The following ARHGEF4 variants were observed in gnomAD, a reference collection of about 807,000 sequenced individuals.
The protein encoded by ARHGEF4 is APC-stimulated guanine nucleotide exchange factor 1.
In ARHGEF4, 119 loss-of-function variants were observed where a neutral mutation model predicts 162.0. The observed-to-expected ratio is 0.73, with a 90% CI of 0.63 to 0.86. ARHGEF4 has a LOEUF of 0.86. Among genes scored for constraint, ARHGEF4 ranks in the 40% least tolerant of loss-of-function variants. ARHGEF4 has a pLI of 0.00. For missense variants in ARHGEF4, 2,488 were observed against 2,456.0 expected (o/e 1.01, Z -0.28); for synonymous variants, 1,014 against 979.9 (o/e 1.03, Z -0.65).
intron 4 of ARHGEF4, among the ~76,000 whole-genome samples, chr2:130,949,344 CTTTAT>C (rs1240441466): frequency 1.4e-4 from 21 of 152,050 alleles, no homozygotes; most frequent in African/African-American, 4.8e-4. Flanking sequence ...TTTTTATTTA[CTTTAT>C]TTTATTTATT....
At position 130,914,656 on chromosome 2, in the gene ARHGEF4, T is replaced by C. The variant is rs1681379675; in HGVS notation, c.710T>C (p.Leu237Pro). ...VWPFLLWCCE[L>P]GRSWPHIHNR... The stretch of plus-strand genomic sequence containing the variant: ...CCCTTCCTTCTCTGGTGCTGTGAAC[T>C]GGGTCGGAGTTGGCCACATATCCAC... The change falls in exon 2 of 14, where the codon CTG (leucine) becomes CCG (proline). Residue 237 changes from leucine (L) to proline (P), a missense_variant. Physicochemically the swap from Leu to Pro is moderately conservative, Grantham distance 98 (BLOSUM62 -3). Around this residue, in one of 6 missense-constraint regions of ARHGEF4, gnomAD observed 1,642 missense variants for 1,481.5 expected, o/e 1.11. Transcript: ENST00000409359. The C allele has an allele frequency of 2.9e-6, 4 of 1,387,778 alleles. No individual in the cohort carries two copies. In the African/African-American group the frequency reaches 4.3e-5, roughly 15 times the overall value. 86.0% of individuals were successfully genotyped at this position (1,387,778 alleles called of 1,614,324 possible).
In ARHGEF4 at chr2:131,010,877, C is replaced by T. The variant is rs150512054; in HGVS notation, c.3986-17068C>T. Among the ~76,000 whole-genome samples the T allele has an allele frequency of 6.1e-3, 931 of 152,322 alleles. 43 individuals carry two copies. Among genetic ancestry groups the T allele is most frequent in the Admixed American group, 0.055 (836 of 15,306 alleles). ...GTTCTACATCTTAGCGTTGCAGAGG[C>T]ATTTCCACTTTAGAAATCAAACTCG... On this transcript the variant is annotated intron_variant, in intron 4 of 13. Coordinates refer to ENST00000409359, the MANE Select transcript of ARHGEF4 (RefSeq NM_001367493.1).
At chr2:130,855,435 T>C (rs1681712356) in intron 1 of ARHGEF4, among the ~76,000 whole-genome samples, 2 of 152,064 alleles carry the variant, frequency 1.3e-5, no homozygotes, top group South Asian at 2.1e-4. Context: ...AGGGAAGAGG[T>C]ACAGAAGGTG....
At chr2:130,881,532 A>C (rs2104960669) in intron 1 of ARHGEF4, among the ~76,000 whole-genome samples, 1 of 151,048 alleles carries the variant, frequency 6.6e-6, no homozygotes, top group South Asian at 2.1e-4. Context: ...AATATATGAC[A>C]TTCAAGGGCC....
chr2:131,045,634 G>A (rs770703678), intron 13 of ARHGEF4, 188 bp downstream of exon 13: 3 of 1,534,050 alleles, frequency 2.0e-6, no homozygotes, highest in Non-Finnish European at 2.6e-6. Flanking sequence ...TCAGTATATG[G>A]TTGACATTCT....
At chr2:130,912,884 G>A (rs542539312) in intron 1 of ARHGEF4, among the ~76,000 whole-genome samples, 13 of 152,302 alleles carry the variant, frequency 8.5e-5, no homozygotes, top group East Asian at 1.9e-4. Flanking sequence ...GGTGAGTACA[G>A]TGCAATAAGA....
At chr2:131,011,875 C>T (rs35437121) in intron 4 of ARHGEF4, 24,833 of 704,644 alleles carry the variant, frequency 0.035, 556 homozygotes, top group Non-Finnish European at 0.049. Flanking sequence ...AGTGTGGGGG[C>T]GGCGGAGGGG....
Position 130,915,314 on chromosome 2 carries a change from G to T in ARHGEF4, c.1368G>T (p.Glu456Asp). 1.3e-6 allele frequency: 2 copies of T among 1,550,696 alleles called. No homozygotes were observed. The highest frequency in any genetic ancestry group is 1.2e-5 in the South Asian group (1 of 84,058). The change falls in exon 2 of 14, where the codon GAG becomes GAT. Residue 456 changes from glutamate (E) to aspartate (D), a missense_variant. Glu to Asp is a conservative substitution (Grantham distance 45, BLOSUM62 2). Coordinates refer to ENST00000409359, the MANE Select transcript of ARHGEF4 (RefSeq NM_001367493.1). The stretch of plus-strand genomic sequence containing the variant: ...AGCTCAGTGCAGAGGAAGTGCCTGA[G>T]CCCGCTGAGTGCAAGTCAGAGCAAA... ...LVKLSAEEVP[E>D]PAECKSEQSP...
chr2:131,033,277 A>G (rs1453071114), intron 5 of ARHGEF4, among the ~76,000 whole-genome samples: 2 of 152,178 alleles, frequency 1.3e-5, no homozygotes, highest in African/African-American at 4.8e-5. Flanking sequence ...CTAGGCAGGG[A>G]GAAGGACCCT....
rs760641057 is a variant in ARHGEF4 at position 131,039,022 on chromosome 2, G to A, written c.4295G>A (p.Ser1432Asn). 1.2e-6 allele frequency: 2 copies of A among 1,611,898 alleles called. No homozygotes were observed. Among genetic ancestry groups the A allele is most frequent in the African/African-American group, 1.3e-5 (1 of 74,938 alleles). ...VADGEGWFPA[S>N]FVRLRVNQDE... Reference sequence around the variant, plus strand: ...GATGGCGAGGGCTGGTTTCCAGCCAGCTTCGTTCGGGTATGGTTCCAAGCC... The same window carrying A: ...GATGGCGAGGGCTGGTTTCCAGCCAACTTCGTTCGGGTATGGTTCCAAGCC... The change falls in exon 6 of 14, where the codon AGC becomes AAC. Residue 1432 changes from serine to asparagine, a missense_variant. This residue lies in a region of ARHGEF4 where 174 missense variants were observed against 148.3 expected (regional missense o/e 1.17). Coordinates refer to ENST00000409359, the MANE Select transcript of ARHGEF4 (RefSeq NM_001367493.1).
At chr2:130,926,810 ATTTTTT>A (rs55904944) in intron 2 of ARHGEF4, among the ~76,000 whole-genome samples, 4 of 48,948 alleles carry the variant, frequency 8.2e-5, no homozygotes, top group Non-Finnish European at 1.1e-4. Context: ...CTTCTGGCTG[ATTTTTT>A]TTTTTTTTTT....
At position 130,836,919 on chromosome 2, in the gene ARHGEF4, G is replaced by A. The variant is rs1386435932; in HGVS notation, c.-35G>A. 6 of 1,222,314 alleles carry A rather than the reference G, an allele frequency of 4.9e-6. No homozygotes were observed. The highest frequency in any genetic ancestry group is 6.1e-6 in the Non-Finnish European group (6 of 981,760). 75.7% of individuals were successfully genotyped at this position (1,222,314 alleles called of 1,614,324 possible). On this transcript the variant is annotated 5_prime_UTR_variant, in exon 1 of 14. Transcript: ENST00000409359. ...CCGGCTCGGCGGCGCGGCTCGTAGT[G>A]CTGCGGCCGGGCTCCGGGCGTCCCG...
intron 4 of ARHGEF4, among the ~76,000 whole-genome samples, chr2:131,021,259 A>C (rs1424212604): frequency 1.3e-5 from 2 of 152,156 alleles, no homozygotes; most frequent in Non-Finnish European, 2.9e-5. Context: ...CCAAAACAGC[A>C]TGGTATTGGT....
rs1409666607 is a variant in ARHGEF4, at chr2:130,898,673, G to GA, written c.40-15312dup. On this transcript the variant is annotated intron_variant, in intron 1 of 13. Transcript: ENST00000409359. The stretch of plus-strand genomic sequence containing the variant: ...CATTCAGGGTCCTCTGAGCAGCCAG[G>GA]ATGCACCTGTGAGGAGAAGGCAGTG... Among the ~76,000 whole-genome samples the GA allele has an allele frequency of 4.6e-5, 7 of 152,300 alleles. No homozygotes were observed. The South Asian group carries it at 1.2e-3, about 27-fold the overall frequency.
At chr2:130,964,081 C>T in intron 4 of ARHGEF4, 1 of 781,056 alleles carries the variant, frequency 1.3e-6, no homozygotes, top group Non-Finnish European at 1.6e-6. Context: ...GTCAAGCGGG[C>T]AGACGAGTGG....
intron 4 of ARHGEF4, among the ~76,000 whole-genome samples, chr2:130,951,620 T>C (rs945683688): frequency 3.9e-5 from 6 of 152,190 alleles, no homozygotes; most frequent in Non-Finnish European, 7.3e-5. Context: ...TTCTTTACTG[T>C]TTTCTTTTTC....
chr2:130,908,688 A>C (rs1271985514), intron 1 of ARHGEF4, among the ~76,000 whole-genome samples: 1 of 151,992 alleles, frequency 6.6e-6, no homozygotes, highest in Non-Finnish European at 1.5e-5. Context: ...AAATAGTAAT[A>C]ATAAAATTTA....
rs1177252337 is a variant in ARHGEF4, at chr2:131,046,382, G to A, written c.*193G>A. 3 of 630,890 alleles carry A rather than the reference G, an allele frequency of 4.8e-6. No homozygotes were observed. Among genetic ancestry groups the A allele is most frequent in the Non-Finnish European group, 8.1e-6 (3 of 370,576 alleles). 39.1% of individuals were successfully genotyped at this position (630,890 alleles called of 1,614,324 possible). Reference sequence around the variant, plus strand: ...TTTTCCCTGCTCCTGGTGCCCTGAAGAGACCAGCAAGGGGGCAGACCCCGC... The same window carrying A: ...TTTTCCCTGCTCCTGGTGCCCTGAAAAGACCAGCAAGGGGGCAGACCCCGC... On this transcript the variant is annotated 3_prime_UTR_variant, in exon 14 of 14. Coordinates refer to ENST00000409359, the MANE Select transcript of ARHGEF4 (RefSeq NM_001367493.1).
At chr2:131,030,678 G>A (rs993072687) in intron 5 of ARHGEF4, among the ~76,000 whole-genome samples, 1 of 152,206 alleles carries the variant, frequency 6.6e-6, no homozygotes, top group African/African-American at 2.4e-5. Context: ...AGGCTGTCCT[G>A]AGAGAGGCAG....
Sources: gnomAD v4.1 joint callset for allele counts (sites outside exome capture counted in the v4.1 genomes callset) on GRCh38, gnomAD v4.1.1 for gene constraint, gnomAD v4.1.1 regional missense constraint, MANE v1.5 for transcripts, NCBI Gene and HGNC (gene_info 2026-07-23, HGNC 2026-07-21) for gene names.